ANO7: variants seen among roughly 807,000 people sequenced by gnomAD.
ANO7 encodes the protein anoctamin-7.
In ANO7, 114 loss-of-function variants were observed where a neutral mutation model predicts 115.8. That is an observed-to-expected ratio of 0.98 (90% CI 0.85 to 1.15). The LOEUF is 1.15. Ranked by LOEUF, ANO7 falls within the 50% of genes most tolerant of loss-of-function variation. The pLI, the probability that ANO7 is intolerant of heterozygous loss-of-function variation, is 0.00. For missense variants in ANO7, 1,302 were observed against 1,201.2 expected (o/e 1.08, Z -1.24); for synonymous variants, 550 against 498.2 (o/e 1.10, Z -1.38).
At chr2:241,195,084 G>T (rs1475611483) in intron 3 of ANO7, among the ~76,000 whole-genome samples, 3 of 152,186 alleles carry the variant, frequency 2.0e-5, no homozygotes, top group Non-Finnish European at 4.4e-5. Flanking sequence ...CAGACCCGGT[G>T]GCTCCGTCTT....
chr2:241,189,959 G>A, intron 1 of ANO7, 98 bp from the exon 2 acceptor site: 1 of 920,274 alleles, frequency 1.1e-6, no homozygotes, highest in Non-Finnish European at 1.7e-6. Flanking sequence ...AGTCGAGTCT[G>A]TAAAGTGAGC....
chr2:241,202,361 C>T (rs2068492763), intron 8 of ANO7, 57 bp downstream of exon 8: 4 of 1,527,498 alleles, frequency 2.6e-6, no homozygotes, highest in Non-Finnish European at 3.6e-6. Flanking sequence ...CCCCTTGGGT[C>T]CTGTTGGCCC....
intron 10 of ANO7, among the ~76,000 whole-genome samples, 173 bp from the exon 11 acceptor site, chr2:241,207,401 G>T (rs2068618367): frequency 6.6e-6 from 1 of 152,230 alleles, no homozygotes; most frequent in South Asian, 2.1e-4. Context: ...CTCAGACATT[G>T]TCATGGCATA....
At chr2:241,238,977 G>A in the ANO7 span, among the ~76,000 whole-genome samples, 1 of 152,196 alleles carries the variant, frequency 6.6e-6, no homozygotes, top group Admixed American at 6.5e-5. The surrounding 1 kb of genome is among the most constrained non-coding windows in gnomAD (Gnocchi z 4.9). Context: ...CTAAGGGGGT[G>A]GGCCTCCTCT....
At chr2:241,213,283 G>T (rs950093562) in intron 17 of ANO7, among the ~76,000 whole-genome samples, 3 of 152,162 alleles carry the variant, frequency 2.0e-5, no homozygotes, top group African/African-American at 7.2e-5. Flanking sequence ...GCGTGCTGCC[G>T]CCATGGCTGT....
intron 13 of ANO7, 90 bp from the exon 14 acceptor site, chr2:241,210,205 G>C: frequency 7.8e-7 from 1 of 1,279,428 alleles, no homozygotes; most frequent in African/African-American, 1.5e-5. Context: ...GCCAGCAGTG[G>C]ACTAGAAGAG....
At chr2:241,230,078 T>G, downstream of ANO7, 1 of 1,586,974 alleles carries the variant, frequency 6.3e-7, no homozygotes, top group East Asian at 2.2e-5. This position sits in a 1 kb window ranked among gnomAD's most constrained non-coding sequence, Gnocchi z 5.0. Context: ...CCTTGTCCCC[T>G]GAAGCTCCTG....
intron 10 of ANO7, among the ~76,000 whole-genome samples, chr2:241,207,196 T>G (rs28735331): frequency 0.01 from 104 of 10,330 alleles, no homozygotes; most frequent in African/African-American, 0.013. Flanking sequence ...GTGCTCCCAG[T>G]CTGACAGGTG....
At position 241,212,636 on chromosome 2, in the gene ANO7, C is replaced by T. The variant is rs1404260721; in HGVS notation, c.1728+10C>T. ...AGTCCGCAATGAGGAGGTGAGTGTG[C>T]CTGAGGCCCGGGACTGGGGGATGAG... On this transcript the variant is annotated intron_variant, in intron 17 of 24. Coordinates refer to ENST00000674324, the MANE Select transcript of ANO7 (RefSeq NM_001370694.2). 1.2e-6 allele frequency: 2 copies of T among 1,610,962 alleles called. No individual in the cohort carries two copies. Among genetic ancestry groups the T allele is most frequent in the Non-Finnish European group, 1.7e-6 (2 of 1,178,540 alleles).
At chr2:241,199,625 G>A (rs1021287807) in intron 5 of ANO7, among the ~76,000 whole-genome samples, 3 of 152,224 alleles carry the variant, frequency 2.0e-5, no homozygotes, top group Admixed American at 6.5e-5. Flanking sequence ...TGGGCTCCCG[G>A]GAGGTGGGGT....
the ANO7 span, chr2:241,231,105 C>G: frequency 3.1e-6 from 2 of 646,360 alleles, no homozygotes; most frequent in Non-Finnish European, 5.3e-6. Flanking sequence ...CCACTCAGGG[C>G]CGGGCACGGT....
the ANO7 span, chr2:241,239,517 A>C: frequency 9.0e-7 from 1 of 1,113,086 alleles, no homozygotes; most frequent in Non-Finnish European, 1.3e-6. The surrounding 1 kb of genome is among the most constrained non-coding windows in gnomAD (Gnocchi z 4.6). Flanking sequence ...TCACCTCCCT[A>C]CAGGGTGGAG....
chr2:241,232,298 CAG>C, the ANO7 span, among the ~76,000 whole-genome samples: 2 of 145,656 alleles, frequency 1.4e-5, no homozygotes, highest in African/African-American at 2.5e-5. Flanking sequence ...TTTTTAAAGA[CAG>C]AGTCTCACTC....
chr2:241,236,977 TGGGGGG>T, the ANO7 span, among the ~76,000 whole-genome samples: 563 of 108,232 alleles, frequency 5.2e-3, 6 homozygotes, highest in Non-Finnish European at 6.5e-3. Context: ...TCCCAGACCT[TGGGGGG>T]GGGGGGGGGG....
At chr2:241,219,095 C>T (rs2068946773) in intron 21 of ANO7, among the ~76,000 whole-genome samples, 1 of 152,216 alleles carries the variant, frequency 6.6e-6, no homozygotes, top group Non-Finnish European at 1.5e-5. Context: ...GGAAGGACAA[C>T]AGGAGAAGTG....
chr2:241,208,030 A>G (rs6706573), intron 11 of ANO7, among the ~76,000 whole-genome samples: 117,456 of 151,994 alleles, frequency 0.77, 45,583 homozygotes, highest in East Asian at 0.91. Flanking sequence ...AGAATTCCCA[A>G]CTTACAAGAC....
intron 4 of ANO7, among the ~76,000 whole-genome samples, chr2:241,198,756 C>G (rs769687120): frequency 3.9e-5 from 6 of 152,234 alleles, no homozygotes; most frequent in Non-Finnish European, 8.8e-5. Flanking sequence ...CTGCACTGGA[C>G]TGAATCAGAT....
rs1574788987 is a variant in ANO7 at position 241,214,723 on chromosome 2, G to A, written c.1729-82G>A. The A allele has an allele frequency of 3.8e-6, 5 of 1,329,588 alleles. No individual in the cohort carries two copies. The East Asian group carries it at 1.2e-4, about 31-fold the overall frequency. The allele number at this position is 1,329,588 out of a possible 1,614,324, so 82.4% of individuals were successfully genotyped here. ...AGGAGGGAGGTGGGGGCCGGGATGA[G>A]GGCCAGCTTTGAGACAAGAAGGGAT... On this transcript the variant is annotated intron_variant, in intron 17 of 24. Transcript: ENST00000674324.
In ANO7 at chr2:241,207,680, G is replaced by A. The variant is rs78218749; in HGVS notation, c.1077+10G>A. 9.2e-4 allele frequency: 1,489 copies of A among 1,612,984 alleles called. 14 individuals carry two copies. The African/African-American group carries it at 0.018, about 20-fold the overall frequency. ...CTGTGCCCTGGCCCAGGTACGAGAAGAGGTGGGTGGGGTAAGGGATTTGAG... is the reference window on the plus strand; with the variant it reads ...CTGTGCCCTGGCCCAGGTACGAGAAAAGGTGGGTGGGGTAAGGGATTTGAG... On this transcript the variant is annotated intron_variant, in intron 11 of 24. Coordinates refer to ENST00000674324, the MANE Select transcript of ANO7 (RefSeq NM_001370694.2).
Sources: allele counts gnomAD v4.1 joint callset (sites outside exome capture counted in the v4.1 genomes callset), GRCh38; gene constraint gnomAD v4.1.1; non-coding constraint Gnocchi (gnomAD v3.1); transcripts MANE v1.5; gene names NCBI Gene and HGNC (gene_info 2026-07-23, HGNC 2026-07-21).